LRBA: variants seen among roughly 807,000 people sequenced by gnomAD.
LRBA encodes lipopolysaccharide-responsive and beige-like anchor protein.
Under a neutral mutation model 330.0 loss-of-function variants are expected in LRBA, and 176 were observed. The ratio of observed to expected loss-of-function variants is 0.53; its 90% CI spans 0.47 to 0.60. The LOEUF (loss-of-function observed/expected upper bound fraction) is 0.60, where lower values mean the gene tolerates loss of function less well. Ranked by LOEUF, LRBA falls within the 20% of genes least tolerant of loss-of-function variation. The probability of loss-of-function intolerance (pLI) is 0.00; values close to 1 mark genes in which losing one functional copy is unlikely to be tolerated. For synonymous variants in LRBA, 1,230 were observed against 1,193.0 expected, an observed-to-expected ratio of 1.03 and a Z score of -0.64; for missense variants, 3,259 against 3,444.8, an observed-to-expected ratio of 0.95 and a Z score of 1.35.
intron 2 of LRBA, among the ~76,000 whole-genome samples, chr4:150,966,065 T>C (rs1272280151): frequency 5.3e-5 from 8 of 152,196 alleles, no homozygotes. Context: ...TATGTTAATA[T>C]CAATAAAGAT....
chr4:150,805,103 C>T (rs1310687986), intron 33 of LRBA, among the ~76,000 whole-genome samples: 1 of 151,360 alleles, frequency 6.6e-6, no homozygotes, highest in Non-Finnish European at 1.5e-5. Context: ...AATCTACTTT[C>T]ACTTGGTTAA....
intron 37 of LRBA, among the ~76,000 whole-genome samples, chr4:150,639,369 A>AC (rs1554070548): frequency 8.1e-5 from 12 of 148,108 alleles, no homozygotes; most frequent in Admixed American, 2.7e-4. Context: ...ATAAAAAAAA[A>AC]AAAGAAAAAA....
intron 48 of LRBA, among the ~76,000 whole-genome samples, chr4:150,339,256 CTGAG>C (rs1735164572): frequency 1.3e-5 from 2 of 152,094 alleles, no homozygotes; most frequent in South Asian, 4.1e-4. Context: ...ACTCTGATTT[CTGAG>C]TGAGATAAAA....
At chr4:150,466,843 A>G (rs2152060389) in intron 44 of LRBA, among the ~76,000 whole-genome samples, 1 of 152,166 alleles carries the variant, frequency 6.6e-6, no homozygotes, top group East Asian at 1.9e-4. Context: ...ATTTCATCCT[A>G]ATTTTTTTCC....
intron 2 of LRBA, among the ~76,000 whole-genome samples, chr4:151,009,504 G>A (rs551683074): frequency 5.6e-4 from 83 of 148,442 alleles, no homozygotes; most frequent in South Asian, 5.3e-3. Flanking sequence ...AGCCAAGATC[G>A]CGCCACTGCA....
intron 2 of LRBA, among the ~76,000 whole-genome samples, chr4:151,002,375 C>T (rs1046796245): frequency 1.1e-4 from 17 of 150,506 alleles, no homozygotes; most frequent in African/African-American, 3.2e-4. Context: ...GAGACCAGAC[C>T]GGCCAAAATG....
intron 40 of LRBA, among the ~76,000 whole-genome samples, chr4:150,516,202 G>A (rs1199548858): frequency 7.2e-6 from 1 of 137,956 alleles, no homozygotes; most frequent in Non-Finnish European, 1.5e-5. Flanking sequence ...AATTCAGTCT[G>A]ACATTTTCTA....
At chr4:150,980,805 C>T (rs984930005) in intron 2 of LRBA, among the ~76,000 whole-genome samples, 2 of 152,040 alleles carry the variant, frequency 1.3e-5, no homozygotes, top group Non-Finnish European at 2.9e-5. Flanking sequence ...ACAAAATCAA[C>T]ATTTGAATAT....
intron 47 of LRBA, among the ~76,000 whole-genome samples, chr4:150,354,768 T>C (rs1236989310): frequency 6.6e-6 from 1 of 152,112 alleles, no homozygotes; most frequent in Non-Finnish European, 1.5e-5. Flanking sequence ...ATACTTCAGA[T>C]ATGCTAAAAA....
intron 34 of LRBA, among the ~76,000 whole-genome samples, chr4:150,778,222 T>G (rs1737692512): frequency 6.6e-6 from 1 of 152,172 alleles, no homozygotes; most frequent in Non-Finnish European, 1.5e-5. Flanking sequence ...TAAAATAGAA[T>G]ACTGCCCTTC....
intron 43 of LRBA, 79 bp from the exon 44 acceptor site, chr4:150,467,864 A>G (rs376268643): frequency 4.8e-6 from 3 of 629,566 alleles, no homozygotes; most frequent in South Asian, 2.6e-5. Flanking sequence ...TTTACTAAAA[A>G]TAAGATTAAA....
intron 47 of LRBA, among the ~76,000 whole-genome samples, chr4:150,370,044 G>A (rs919440013): frequency 3.3e-5 from 5 of 152,042 alleles, no homozygotes; most frequent in Non-Finnish European, 5.9e-5. Flanking sequence ...CTATCTCAAC[G>A]CCTCCACTGT....
chr4:150,305,939 T>C (rs1009034104), intron 52 of LRBA, among the ~76,000 whole-genome samples: 2 of 152,174 alleles, frequency 1.3e-5, no homozygotes, highest in South Asian at 4.1e-4. Context: ...TTATAAGTGT[T>C]CCTCAACCTT....
chr4:150,595,699 T>A (rs530114275), intron 38 of LRBA, among the ~76,000 whole-genome samples: 1 of 151,976 alleles, frequency 6.6e-6, no homozygotes, highest in East Asian at 1.9e-4. Flanking sequence ...CACACTGATA[T>A]GAAAATCTGG....
chr4:150,996,958 CAG>C (rs143674489), intron 2 of LRBA, among the ~76,000 whole-genome samples: 63 of 152,306 alleles, frequency 4.1e-4, no homozygotes, highest in African/African-American at 1.5e-3. Flanking sequence ...TGTTTATCAG[CAG>C]ACTCAGATAT....
chr4:150,696,062 T>C (rs1784589774), intron 36 of LRBA, among the ~76,000 whole-genome samples: 1 of 152,004 alleles, frequency 6.6e-6, no homozygotes, highest in South Asian at 2.1e-4. Flanking sequence ...AAGTCCTATC[T>C]TTACAAAAAA....
intron 36 of LRBA, among the ~76,000 whole-genome samples, chr4:150,696,765 G>T (rs1388024070): frequency 6.6e-6 from 1 of 151,848 alleles, no homozygotes; most frequent in East Asian, 1.9e-4. Flanking sequence ...CAGCACTTTG[G>T]GAGGCGAGGC....
chr4:150,309,120 T>C (rs1325532774), intron 52 of LRBA, among the ~76,000 whole-genome samples: 1 of 152,206 alleles, frequency 6.6e-6, no homozygotes, highest in Non-Finnish European at 1.5e-5. Context: ...ATTATTATTT[T>C]TTACTTGCAG....
intron 48 of LRBA, among the ~76,000 whole-genome samples, chr4:150,340,558 C>G (rs1039917033): frequency 2.0e-5 from 3 of 152,176 alleles, no homozygotes; most frequent in Non-Finnish European, 2.9e-5. Flanking sequence ...TGGTCTCAAA[C>G]TCCTGGGCCT....
Sources: allele counts gnomAD v4.1 joint callset (sites outside exome capture counted in the v4.1 genomes callset), GRCh38; gene constraint gnomAD v4.1.1; transcripts MANE v1.5; gene names NCBI Gene and HGNC (gene_info 2026-07-23, HGNC 2026-07-21).